The following FAM13A variants were observed in gnomAD, a reference collection of about 807,000 sequenced individuals.
FAM13A encodes the protein family with sequence similarity 13 member A.
FAM13A carries 76 observed loss-of-function variants against 129.6 expected under a neutral mutation model. That is an observed-to-expected ratio of 0.59 (90% CI 0.49 to 0.71). The LOEUF (loss-of-function observed/expected upper bound fraction) is 0.71. FAM13A is among the 30% of genes least tolerant of loss of function. FAM13A has a pLI of 0.00. For missense variants in FAM13A, 1,108 were observed against 1,249.3 expected, an observed-to-expected ratio of 0.89 and a Z score of 1.70; for synonymous variants, 443 against 449.9, an observed-to-expected ratio of 0.98 and a Z score of 0.20.
chr4:88,906,812 A>G (rs919651468), intron 5 of FAM13A, among the ~76,000 whole-genome samples: 4 of 152,230 alleles, frequency 2.6e-5, no homozygotes, highest in African/African-American at 4.8e-5. Flanking sequence ...TCTCCAAAAT[A>G]TCAACCAACA....
intron 6 of FAM13A, among the ~76,000 whole-genome samples, chr4:88,895,878 T>C (rs1314583422): frequency 1.4e-5 from 2 of 144,900 alleles, no homozygotes; most frequent in Non-Finnish European, 3.0e-5. Context: ...CTCAGGGATC[T>C]AGAACTAGAA....
chr4:88,782,323 G>A (rs1723111357), intron 10 of FAM13A, among the ~76,000 whole-genome samples: 1 of 151,700 alleles, frequency 6.6e-6, no homozygotes, highest in South Asian at 2.1e-4. Context: ...CAATATCATG[G>A]AACAAATAAA....
At chr4:88,908,534 A>G (rs1748533608) in intron 5 of FAM13A, among the ~76,000 whole-genome samples, 1 of 152,156 alleles carries the variant, frequency 6.6e-6, no homozygotes, top group Non-Finnish European at 1.5e-5. Flanking sequence ...GTATTTCTTT[A>G]TTCTATTTTC....
intron 6 of FAM13A, among the ~76,000 whole-genome samples, chr4:88,885,237 C>T (rs971179010): frequency 2.0e-5 from 3 of 151,656 alleles, no homozygotes; most frequent in African/African-American, 7.3e-5. Context: ...AATCTAGAGG[C>T]ATCACATTAC....
At chr4:88,935,265 C>T (rs577524571) in intron 5 of FAM13A, among the ~76,000 whole-genome samples, 15 of 152,292 alleles carry the variant, frequency 9.8e-5, no homozygotes, top group African/African-American at 3.4e-4. Flanking sequence ...TACAACCGAA[C>T]ATATTTCTCT....
chr4:89,019,761 CAAAAA>C (rs61682568), intron 3 of FAM13A, among the ~76,000 whole-genome samples: 2 of 57,814 alleles, frequency 3.5e-5, no homozygotes, highest in Non-Finnish European at 3.4e-5. Flanking sequence ...AACTACATCT[CAAAAA>C]AAAAAAAAAA....
At chr4:88,927,486 G>T (rs1207057246) in intron 5 of FAM13A, among the ~76,000 whole-genome samples, 10 of 95,470 alleles carry the variant, frequency 1.0e-4, no homozygotes, top group African/African-American at 3.8e-4. Context: ...CTGGTTCTAG[G>T]TTTTTTTTTT....
chr4:88,791,866 C>T (rs1725239883), intron 8 of FAM13A, among the ~76,000 whole-genome samples: 1 of 152,008 alleles, frequency 6.6e-6, no homozygotes, highest in African/African-American at 2.4e-5. Context: ...TTTCTTTCAT[C>T]ACACTCCCTC....
chr4:88,762,972 G>T (rs943064785), intron 13 of FAM13A, among the ~76,000 whole-genome samples: 4 of 152,104 alleles, frequency 2.6e-5, no homozygotes, highest in African/African-American at 9.7e-5. Flanking sequence ...TGCACTATAT[G>T]AAAACACACC....
intron 3 of FAM13A, among the ~76,000 whole-genome samples, chr4:89,010,637 T>A (rs186081703): frequency 3.0e-4 from 46 of 152,274 alleles, no homozygotes; most frequent in Non-Finnish European, 2.1e-4. Context: ...TTTGCAGGGA[T>A]CTTTCCCTGG....
chr4:88,940,429 G>T (rs1754557179), intron 4 of FAM13A, among the ~76,000 whole-genome samples: 1 of 152,196 alleles, frequency 6.6e-6, no homozygotes, highest in South Asian at 2.1e-4. Context: ...AACATTATTT[G>T]CAAGCAATGG....
intron 6 of FAM13A, among the ~76,000 whole-genome samples, chr4:88,860,599 A>G (rs1056713103): frequency 3.9e-5 from 6 of 152,236 alleles, no homozygotes; most frequent in African/African-American, 1.4e-4. Context: ...GTTTTGGGGA[A>G]CAGGACAGCA....
intron 5 of FAM13A, chr4:88,936,995 T>C (rs1305598797): frequency 2.0e-5 from 3 of 152,172 alleles, no homozygotes; most frequent in Non-Finnish European, 1.5e-5. Context: ...TCATTTAACT[T>C]TTCTGAGGCA....
chr4:88,894,569 G>A (rs1745966305), intron 6 of FAM13A, among the ~76,000 whole-genome samples: 1 of 152,122 alleles, frequency 6.6e-6, no homozygotes. Flanking sequence ...TGTCACTCAG[G>A]CTGGAGTGCA....
chr4:88,942,470 G>C (rs963560114), intron 4 of FAM13A, among the ~76,000 whole-genome samples: 2 of 152,036 alleles, frequency 1.3e-5, no homozygotes, highest in Non-Finnish European at 2.9e-5. Flanking sequence ...GGGAGGCTGA[G>C]GGACGAGGAT....
chr4:88,747,660 C>A lies in FAM13A; in HGVS notation c.2353G>T (p.Ala785Ser). Residue 785 changes from alanine (A) to serine (S), a missense_variant, in exon 18 of 24, where the codon GCG becomes TCG. By Grantham distance (99) the Ala-to-Ser change is moderately conservative (BLOSUM62 1). Around this residue, in one of 3 missense-constraint regions of FAM13A, gnomAD observed 529 missense variants for 621.2 expected, o/e 0.85. Transcript: ENST00000264344. ...ATGTCCTCAGGGCGGCTGCTTTCCG[C>A]TCGCTTCTCCTGGAGCTTCCTCTGA... ...SIQRKLQEKRAESSRPEDIKD... is the reference protein window; with the variant it reads ...SIQRKLQEKRSESSRPEDIKD... The A allele has an allele frequency of 6.2e-7, 1 of 1,614,190 alleles. No homozygotes were observed. The highest frequency in any genetic ancestry group is 8.5e-7 in the Non-Finnish European group (1 of 1,180,036).
At chr4:88,766,859 G>A (rs569990592) in intron 13 of FAM13A, among the ~76,000 whole-genome samples, 4 of 152,300 alleles carry the variant, frequency 2.6e-5, no homozygotes, top group African/African-American at 9.6e-5. Flanking sequence ...TTCTTGAAAA[G>A]CAAAACTGAT....
At chr4:89,026,444 T>A (rs1213652988) in intron 2 of FAM13A, among the ~76,000 whole-genome samples, 1 of 152,184 alleles carries the variant, frequency 6.6e-6, no homozygotes, top group Non-Finnish European at 1.5e-5. Flanking sequence ...GCTCTTAAGT[T>A]TTCAGAAAAA....
At chr4:89,037,133 T>C (rs1769490724) in intron 1 of FAM13A, among the ~76,000 whole-genome samples, 1 of 152,152 alleles carries the variant, frequency 6.6e-6, no homozygotes, top group South Asian at 2.1e-4. Context: ...CCCAGAATGG[T>C]AGATCCACTG....
Sources: allele counts gnomAD v4.1 joint callset (sites outside exome capture counted in the v4.1 genomes callset), GRCh38; gene constraint gnomAD v4.1.1; regional missense constraint gnomAD v4.1.1; transcripts MANE v1.5; gene names NCBI Gene and HGNC (gene_info 2026-07-23, HGNC 2026-07-21).